NIBAN1: variants seen among roughly 807,000 people sequenced by gnomAD.
The protein encoded by NIBAN1 is niban apoptosis regulator 1.
In NIBAN1, 81 loss-of-function variants were observed where a neutral mutation model predicts 75.1. That is an observed-to-expected ratio of 1.08 (90% CI 0.90 to 1.30). NIBAN1 has a LOEUF of 1.30. Among genes scored for constraint, NIBAN1 ranks in the 50% most tolerant of loss-of-function variants. NIBAN1 has a pLI of 0.00. For synonymous variants in NIBAN1, 436 were observed against 424.8 expected (o/e 1.03, Z -0.32); for missense variants, 1,133 against 1,128.1 (o/e 1.00, Z -0.06).
intron 5 of NIBAN1, among the ~76,000 whole-genome samples, chr1:184,866,029 C>T (rs771232946): frequency 1.5e-4 from 23 of 152,068 alleles, no homozygotes; most frequent in Non-Finnish European, 2.6e-4. Context: ...AAATGATGAC[C>T]TACTTCCCAT....
intron 5 of NIBAN1, 58 bp downstream of exon 5, chr1:184,884,575 A>G: frequency 6.3e-7 from 1 of 1,598,340 alleles, no homozygotes; most frequent in Admixed American, 1.7e-5. Context: ...GACCAGAACA[A>G]CTCAGCGAGG....
intron 5 of NIBAN1, among the ~76,000 whole-genome samples, chr1:184,883,556 A>G (rs1654121658): frequency 6.6e-6 from 1 of 152,218 alleles, no homozygotes; most frequent in Admixed American, 6.5e-5. Flanking sequence ...TATCAAAAAC[A>G]TCACATATTG....
At chr1:184,863,754 T>C (rs1007857818) in intron 5 of NIBAN1, among the ~76,000 whole-genome samples, 1 of 152,204 alleles carries the variant, frequency 6.6e-6, no homozygotes, top group African/African-American at 2.4e-5. Context: ...CATACTCTAG[T>C]ATGACCAGCA....
Position 184,882,857 on chromosome 1 carries a change from G to A in NIBAN1, c.601+1776C>T, listed in dbSNP as rs140216932. On this transcript the variant is annotated intron_variant, in intron 5 of 13. Transcript: ENST00000367511. ...AAGTGTAGTGGAAAATGAGCTAAAG[G>A]GTGCAGTCAGTGCTGGGCAATTTTT... Among the ~76,000 whole-genome samples the A allele has an allele frequency of 1.8e-3, 278 of 152,238 alleles. 3 individuals carry two copies. Among genetic ancestry groups the A allele is most frequent in the African/African-American group, 6.3e-3 (263 of 41,562 alleles).
intron 1 of NIBAN1, 91 bp downstream of exon 1, chr1:184,974,211 C>T (rs964529543): frequency 2.3e-6 from 3 of 1,310,258 alleles, no homozygotes; most frequent in Admixed American, 3.9e-5. Flanking sequence ...AGGGAGAGGG[C>T]CCGGGGCGCG....
Position 184,795,955 on chromosome 1 carries a change from G to A in NIBAN1, c.1809C>T (p.Ala603=). 6.2e-7 allele frequency: 1 copy of A among 1,614,200 alleles called. No individual in the cohort carries two copies. The highest frequency in any genetic ancestry group is 1.3e-5 in the African/African-American group (1 of 75,070). The change falls in exon 14 of 14, where the codon GCC becomes GCT. Residue 603 remains alanine, a synonymous_variant. Coordinates refer to ENST00000367511, the MANE Select transcript of NIBAN1 (RefSeq NM_052966.4). ...CACTACCCAGAACTCCTGGCAGAAT[G>A]GCAGAAGCTCTCCTGGCAGGGCTGG... ...NQASPARRAS[A]ILPGVLGSET...
intron 5 of NIBAN1, among the ~76,000 whole-genome samples, chr1:184,855,859 A>C (rs1478726839): frequency 6.6e-6 from 1 of 151,942 alleles, no homozygotes; most frequent in Non-Finnish European, 1.5e-5. Flanking sequence ...ATCAGTGTAG[A>C]TTGCCAGTTT....
chr1:184,862,796 ATAATTG>A (rs1655849731), intron 5 of NIBAN1, among the ~76,000 whole-genome samples: 1 of 152,008 alleles, frequency 6.6e-6, no homozygotes, highest in African/African-American at 2.4e-5. Flanking sequence ...CAGAATATTG[ATAATTG>A]TATAGCCAAG....
chr1:184,805,656 T>G (rs1338852954), intron 11 of NIBAN1, among the ~76,000 whole-genome samples: 1 of 152,160 alleles, frequency 6.6e-6, no homozygotes, highest in Admixed American at 6.5e-5. Flanking sequence ...GCAGTGCTTA[T>G]AGTGGACAGC....
chr1:184,805,915 A>T (rs756008607), intron 11 of NIBAN1, 31 bp downstream of exon 11: 1 of 1,552,148 alleles, frequency 6.4e-7, no homozygotes, highest in African/African-American at 1.4e-5. Context: ...TTCTCTTTTT[A>T]TGCTTCCCAC....
chr1:184,960,996 A>T (rs1252411803), intron 1 of NIBAN1, among the ~76,000 whole-genome samples: 4 of 146,268 alleles, frequency 2.7e-5, no homozygotes, highest in Non-Finnish European at 6.0e-5. Flanking sequence ...CACTCCCAAC[A>T]TAACACCCTT....
chr1:184,936,177 A>C (rs1332526754), intron 1 of NIBAN1, among the ~76,000 whole-genome samples: 1 of 152,126 alleles, frequency 6.6e-6, no homozygotes, highest in African/African-American at 2.4e-5. Flanking sequence ...AGCCATATGT[A>C]CTCCAAAAGA....
At chr1:184,918,598 T>C (rs572747135) in intron 1 of NIBAN1, among the ~76,000 whole-genome samples, 1 of 152,272 alleles carries the variant, frequency 6.6e-6, no homozygotes, top group African/African-American at 2.4e-5. Context: ...CCAGATAAAT[T>C]CCTATTCATC....
chr1:184,931,214 G>T (rs1442521411), intron 1 of NIBAN1, among the ~76,000 whole-genome samples: 2 of 152,142 alleles, frequency 1.3e-5, no homozygotes, highest in East Asian at 3.9e-4. Context: ...TGGCCAGGCT[G>T]GTCTCGAACT....
At chr1:184,918,422 C>T (rs1467822783) in intron 1 of NIBAN1, among the ~76,000 whole-genome samples, 1 of 152,186 alleles carries the variant, frequency 6.6e-6, no homozygotes, top group Non-Finnish European at 1.5e-5. Context: ...ATAAAAGCCA[C>T]CTTGGGTTCT....
chr1:184,811,200 T>C lies in NIBAN1; in HGVS notation c.1174-2965A>G, dbSNP rs979693729. On this transcript the variant is annotated intron_variant, in intron 9 of 13. Coordinates refer to ENST00000367511, the MANE Select transcript of NIBAN1 (RefSeq NM_052966.4). ...AAGGAACTGGTAGTAAGCAGTAATA[T>C]TGCAGGGGTTATAAAATTTGGCTTT... Among the ~76,000 whole-genome samples the C allele has an allele frequency of 2.0e-5, 3 of 152,190 alleles. No homozygotes were observed. The South Asian group carries it at 6.2e-4, about 31-fold the overall frequency.
At chr1:184,901,416 T>G (rs1239403674) in intron 1 of NIBAN1, among the ~76,000 whole-genome samples, 1 of 152,242 alleles carries the variant, frequency 6.6e-6, no homozygotes, top group Non-Finnish European at 1.5e-5. Context: ...TATAATCATC[T>G]AATTGGTTAT....
At chr1:184,821,097 A>C (rs925864204) in intron 8 of NIBAN1, among the ~76,000 whole-genome samples, 1 of 152,212 alleles carries the variant, frequency 6.6e-6, no homozygotes, top group Non-Finnish European at 1.5e-5. Context: ...CTGTCTCAGC[A>C]TCTGTGACAT....
At chr1:184,913,151 A>AT (rs1657292021) in intron 1 of NIBAN1, among the ~76,000 whole-genome samples, 2 of 149,074 alleles carry the variant, frequency 1.3e-5, no homozygotes, top group Non-Finnish European at 1.5e-5. Flanking sequence ...ATATATATAT[A>AT]TATTATATAT....
Sources: gnomAD v4.1 joint callset for allele counts (sites outside exome capture counted in the v4.1 genomes callset) on GRCh38, gnomAD v4.1.1 for gene constraint, MANE v1.5 for transcripts, NCBI Gene and HGNC (gene_info 2026-07-23, HGNC 2026-07-21) for gene names.